The following C2orf76 variants were observed in gnomAD, a reference collection of about 807,000 sequenced individuals.
The protein encoded by C2orf76 is UPF0538 protein C2orf76.
Under a neutral mutation model 16.9 loss-of-function variants are expected in C2orf76, and 23 were observed. The ratio of observed to expected loss-of-function variants is 1.36; its 90% CI spans 0.98 to 1.93. C2orf76 has a LOEUF of 1.93. C2orf76 is among the 30% of genes most tolerant of loss of function. The pLI is 0.00. For synonymous variants in C2orf76, 48 were observed against 52.3 expected (o/e 0.92, Z 0.35); for missense variants, 152 against 152.6 (o/e 1.00, Z 0.02).
chr2:119,290,952 G>A, the C2orf76 span, among the ~76,000 whole-genome samples: 1 of 152,042 alleles, frequency 6.6e-6, no homozygotes, highest in Non-Finnish European at 1.5e-5. Flanking sequence ...GCTATCAGAC[G>A]CCAAGGCTGA....
chr2:119,284,508 G>A, the C2orf76 span, among the ~76,000 whole-genome samples: 1 of 152,080 alleles, frequency 6.6e-6, no homozygotes, highest in Admixed American at 6.6e-5. Flanking sequence ...AGAGGCCTCA[G>A]TGGATCACCG....
At chr2:119,351,518 A>G (rs1237695342) in intron 1 of C2orf76, among the ~76,000 whole-genome samples, 1 of 152,192 alleles carries the variant, frequency 6.6e-6, no homozygotes, top group East Asian at 1.9e-4. Context: ...TTGGAGGCCC[A>G]GGCGGGAGGA....
the C2orf76 span, among the ~76,000 whole-genome samples, chr2:119,285,258 T>C: frequency 2.0e-5 from 3 of 152,334 alleles, no homozygotes; most frequent in Non-Finnish European, 2.9e-5. Flanking sequence ...TTATTTAACA[T>C]GATATAGTGC....
rs140992461 is a variant in C2orf76, at chr2:119,345,711, A to G, written c.-12-5740T>C. 4.0e-3 allele frequency among the ~76,000 whole-genome samples: 615 copies of G among 152,174 alleles called. 4 individuals are homozygous for G. Among genetic ancestry groups the G allele is most frequent in the African/African-American group, 0.011 (466 of 41,416 alleles). ...AGACAGTATTTCAGCGTTATCAAAT[A>G]GCTGATGAAAAAAAGTTTCTTCTTT... On this transcript the variant is annotated intron_variant, in intron 1 of 5. Transcript: ENST00000334816.
chr2:119,282,281 C>G, the C2orf76 span, among the ~76,000 whole-genome samples: 291 of 152,314 alleles, frequency 1.9e-3, no homozygotes, highest in Middle Eastern at 0.014. Flanking sequence ...AGTGAAATCT[C>G]TTATACCAAT....
intron 5 of C2orf76, among the ~76,000 whole-genome samples, chr2:119,309,899 A>G (rs1336115980): frequency 1.3e-5 from 2 of 152,184 alleles, no homozygotes. Flanking sequence ...TCCCAAGATT[A>G]TGAAATTATT....
chr2:119,323,629 C>CACAAA (rs761023309), intron 2 of C2orf76, among the ~76,000 whole-genome samples: 54 of 152,120 alleles, frequency 3.5e-4, no homozygotes, highest in South Asian at 6.2e-4. Flanking sequence ...GATATTTAAA[C>CACAAA]ACAAAACAAA....
chr2:119,351,272 A>G (rs1016046148), intron 1 of C2orf76, among the ~76,000 whole-genome samples: 3 of 152,178 alleles, frequency 2.0e-5, no homozygotes, highest in Non-Finnish European at 1.5e-5. Context: ...ACAATATTTA[A>G]TATTTTCTCC....
intron 3 of C2orf76, 130 bp downstream of exon 3, chr2:119,321,024 T>A (rs1679324233): frequency 2.1e-6 from 1 of 481,380 alleles, no homozygotes; most frequent in Non-Finnish European, 3.6e-6. Flanking sequence ...AGCATTCCTG[T>A]ATTTCTAAAT....
At chr2:119,282,455 C>G in the C2orf76 span, among the ~76,000 whole-genome samples, 1 of 152,194 alleles carries the variant, frequency 6.6e-6, no homozygotes, top group South Asian at 2.1e-4. Flanking sequence ...CCAGCTTGCT[C>G]CTGTTCTCTT....
chr2:119,341,145 C>G (rs954794106), intron 1 of C2orf76, among the ~76,000 whole-genome samples: 1 of 152,052 alleles, frequency 6.6e-6, no homozygotes, highest in Non-Finnish European at 1.5e-5. Flanking sequence ...TTATGCACAG[C>G]AGTAACAACA....
intron 1 of C2orf76, among the ~76,000 whole-genome samples, chr2:119,350,038 C>T (rs1680333813): frequency 7.2e-6 from 1 of 139,740 alleles, no homozygotes; most frequent in Non-Finnish European, 1.5e-5. Context: ...CACAGGATTA[C>T]AGGTGTGAGC....
At chr2:119,357,471 G>A (rs961412516) in intron 1 of C2orf76, among the ~76,000 whole-genome samples, 1 of 151,758 alleles carries the variant, frequency 6.6e-6, no homozygotes, top group Non-Finnish European at 1.5e-5. Context: ...CACATCAAGT[G>A]ATACAGAAAA....
intron 1 of C2orf76, among the ~76,000 whole-genome samples, chr2:119,361,018 A>G (rs1239746930): frequency 2.6e-5 from 4 of 152,210 alleles, no homozygotes; most frequent in Admixed American, 6.5e-5. Flanking sequence ...AGTATTAGGA[A>G]TCTTTGATGA....
chr2:119,315,929 TGA>T lies in C2orf76; in HGVS notation c.222+1535_222+1536del, dbSNP rs1184993542. The stretch of plus-strand genomic sequence containing the variant: ...TATAATACTGATAATTTGAACATGA[TGA>T]ACTATGTCTCCACTAAGATAAAGGA... On this transcript the variant is annotated intron_variant, in intron 4 of 5. Coordinates refer to ENST00000334816, the MANE Select transcript of C2orf76 (RefSeq NM_001322331.2). Among the ~76,000 whole-genome samples the T allele has an allele frequency of 1.3e-3, 200 of 152,334 alleles. 1 individual carries two copies. The highest frequency in any genetic ancestry group is 2.3e-3 in the Non-Finnish European group (154 of 68,028).
At chr2:119,331,594 T>A (rs1679678968) in intron 2 of C2orf76, among the ~76,000 whole-genome samples, 1 of 152,154 alleles carries the variant, frequency 6.6e-6, no homozygotes, top group South Asian at 2.1e-4. Context: ...CAGGGTCCAC[T>A]CCAGACTGCC....
At chr2:119,348,865 C>T (rs1370512146) in intron 1 of C2orf76, among the ~76,000 whole-genome samples, 9 of 151,986 alleles carry the variant, frequency 5.9e-5, no homozygotes, top group East Asian at 5.8e-4. Context: ...GGCATGGTGG[C>T]GTAAGCCTGT....
intron 1 of C2orf76, among the ~76,000 whole-genome samples, chr2:119,348,593 G>A (rs112105909): frequency 0.019 from 2,859 of 152,282 alleles, 36 homozygotes; most frequent in South Asian, 0.054. Flanking sequence ...GGCTGAGGAA[G>A]GAGATTCGCT....
intron 1 of C2orf76, among the ~76,000 whole-genome samples, chr2:119,346,562 C>A (rs969894469): frequency 1.3e-5 from 2 of 152,178 alleles, no homozygotes; most frequent in Non-Finnish European, 2.9e-5. Context: ...TGTATAATTC[C>A]ATTTTTATGT....
Sources: gnomAD v4.1 joint callset for allele counts (sites outside exome capture counted in the v4.1 genomes callset) on GRCh38, gnomAD v4.1.1 for gene constraint, MANE v1.5 for transcripts, NCBI Gene and HGNC (gene_info 2026-07-23, HGNC 2026-07-21) for gene names.